Variants in SMC2 observed in about 807,000 individuals in gnomAD.
SMC2 encodes the protein structural maintenance of chromosomes protein 2.
In SMC2, 41 loss-of-function variants were observed where a neutral mutation model predicts 142.6. The ratio of observed to expected loss-of-function variants is 0.29; its 90% CI spans 0.22 to 0.37. The LOEUF is 0.37. Ranked by LOEUF, SMC2 falls within the 10% of genes least tolerant of loss-of-function variation. The pLI is 1.00. For synonymous variants in SMC2, 463 were observed against 457.5 expected, an observed-to-expected ratio of 1.01 and a Z score of -0.15; for missense variants, 1,265 against 1,373.7, an observed-to-expected ratio of 0.92 and a Z score of 1.25.
At chr9:104,114,247 T>G (rs1832832053) in intron 12 of SMC2, among the ~76,000 whole-genome samples, 166 bp downstream of exon 12, 1 of 152,200 alleles carries the variant, frequency 6.6e-6, no homozygotes, top group African/African-American at 2.4e-5. Flanking sequence ...GTTGAAATGT[T>G]TTAAATGTTG....
chr9:104,089,003 A>G, the SMC2 span, among the ~76,000 whole-genome samples: 1 of 152,038 alleles, frequency 6.6e-6, no homozygotes, highest in Non-Finnish European at 1.5e-5. Context: ...AAGACATGGT[A>G]ATCTAAGGAA....
At position 104,132,067 on chromosome 9, in the gene SMC2, C is replaced by G. The variant is rs765162261; in HGVS notation, c.3050C>G (p.Thr1017Arg). The change falls in exon 22 of 25, where the codon ACA (threonine) becomes AGA (arginine). Residue 1017 changes from threonine to arginine, a missense_variant. Physicochemically the swap from Thr to Arg is moderately conservative, Grantham distance 71 (BLOSUM62 -1). Transcript: ENST00000374793. The part of the protein sequence containing the change: ...IVENDKSKIL[T>R]TIEDLDQKKN... ...GAAAATGACAAATCCAAAATTCTTA[C>G]AACTATAGAAGACCTTGACCAGAAG... The G allele has an allele frequency of 6.2e-7, 1 of 1,602,800 alleles. No individual in the cohort carries two copies. Among genetic ancestry groups the G allele is most frequent in the Non-Finnish European group, 8.5e-7 (1 of 1,174,270 alleles).
chr9:104,134,430 G>A lies in SMC2; in HGVS notation c.3124G>A (p.Gly1042Arg). 6.3e-7 allele frequency: 1 copy of A among 1,588,120 alleles called. No individual in the cohort carries two copies. Among genetic ancestry groups the A allele is most frequent in the Non-Finnish European group, 8.5e-7 (1 of 1,171,028 alleles). The change falls in exon 23 of 25, where the codon GGG (glycine) becomes AGG (arginine). Residue 1042 changes from glycine (G) to arginine (R), a missense_variant. Transcript: ENST00000374793. ...TTAAATCCAGGTGAACAAGGACTTT[G>A]GGTCTATTTTTTCTACTCTTTTGCC... ...IAWQKVNKDF[G>R]SIFSTLLPGA...
chr9:104,110,314 G>T (rs897279933), intron 9 of SMC2, among the ~76,000 whole-genome samples: 3 of 152,106 alleles, frequency 2.0e-5, no homozygotes, highest in Admixed American at 6.6e-5. Flanking sequence ...CCAGACAGAT[G>T]ATTTATCTTG....
chr9:104,117,187 C>G (rs980732160), intron 14 of SMC2, among the ~76,000 whole-genome samples: 2 of 152,124 alleles, frequency 1.3e-5, no homozygotes, highest in Non-Finnish European at 2.9e-5. Flanking sequence ...TGAAAACTCA[C>G]CATTAAGTCA....
At position 104,124,982 on chromosome 9, in the gene SMC2, G is replaced by A. The variant is rs1834105258; in HGVS notation, c.2328G>A (p.Leu776=). ...AAGCAGAAGAAAAATATGAAGTATT[G>A]GAAAATAAAATGAAAAATGCAGAAG... ...QRKAEEKYEV[L]ENKMKNAEAE... The change falls in exon 18 of 25, where the codon TTG becomes TTA. Residue 776 remains leucine (L), a synonymous_variant. Coordinates refer to ENST00000374793, the MANE Select transcript of SMC2 (RefSeq NM_006444.3). The A allele has an allele frequency of 1.9e-6, 3 of 1,603,056 alleles. No individual in the cohort carries two copies. The highest frequency in any genetic ancestry group is 2.5e-6 in the Non-Finnish European group (3 of 1,177,220).
rs41277747 is a variant in SMC2, at chr9:104,139,604, T to G, written c.*289T>G. 86 of 221,402 alleles carry G rather than the reference T, an allele frequency of 3.9e-4. No homozygotes were observed. Among genetic ancestry groups the G allele is most frequent in the Non-Finnish European group, 5.5e-4 (63 of 114,644 alleles). The allele number at this position is 221,402 out of a possible 1,614,324, so 13.7% of individuals were successfully genotyped here. On this transcript the variant is annotated 3_prime_UTR_variant, in exon 25 of 25. Transcript: ENST00000374793. Reference sequence around the variant, plus strand: ...GGATCCTGAGATACCCGATTCTATATGTAAAAGCTAATATACAAAAAAGCA... The same window carrying G: ...GGATCCTGAGATACCCGATTCTATAGGTAAAAGCTAATATACAAAAAAGCA...
Position 104,102,556 on chromosome 9 carries a change from GA to G in SMC2, c.1010del (p.Asn337IlefsTer9). On this transcript the variant is annotated frameshift_variant, in exon 9 of 25. Transcript: ENST00000374793. LOFTEE classifies it high-confidence loss of function. ...ACEESKRKEL[E>X]KNMVEDSKTL... ...TGAGGAAAGCAAACGCAAAGAGCTG[GA>G]AAAAAATATGGTTGAGGTAAGTGAG... 2 of 1,612,194 alleles carry G rather than the reference GA, an allele frequency of 1.2e-6. No individual in the cohort carries two copies. The highest frequency in any genetic ancestry group is 1.7e-6 in the Non-Finnish European group (2 of 1,179,218).
intron 13 of SMC2, 81 bp downstream of exon 13, chr9:104,114,910 G>A: frequency 2.5e-6 from 3 of 1,194,330 alleles, no homozygotes; most frequent in Non-Finnish European, 3.5e-6. Flanking sequence ...TAAATACTTT[G>A]ATGTTTTAAG....
intron 21 of SMC2, among the ~76,000 whole-genome samples, chr9:104,131,676 TGCTAAGGA>T (rs1219616569): frequency 6.9e-6 from 1 of 145,684 alleles, no homozygotes; most frequent in African/African-American, 2.6e-5. Flanking sequence ...TTGCCTTGGC[TGCTAAGGA>T]GATAAGGGAA....
intron 20 of SMC2, among the ~76,000 whole-genome samples, chr9:104,128,572 A>G (rs893601769): frequency 2.6e-5 from 4 of 152,192 alleles, no homozygotes; most frequent in African/African-American, 9.7e-5. Context: ...ATGCTTTCAA[A>G]GAGTTTACAG....
chr9:104,095,915 A>G (rs1830403310), intron 2 of SMC2, among the ~76,000 whole-genome samples: 1 of 152,224 alleles, frequency 6.6e-6, no homozygotes, highest in African/African-American at 2.4e-5. Context: ...TTATTAAAAA[A>G]TGAATAGGAA....
chr9:104,136,936 T>A (rs1000429436), intron 23 of SMC2, among the ~76,000 whole-genome samples: 13 of 151,856 alleles, frequency 8.6e-5, no homozygotes, highest in African/African-American at 3.1e-4. Context: ...CTACTTGAGG[T>A]CACGAGTTCA....
chr9:104,120,518 A>G (rs1833616456), intron 16 of SMC2, among the ~76,000 whole-genome samples: 1 of 152,184 alleles, frequency 6.6e-6, no homozygotes, highest in Non-Finnish European at 1.5e-5. Context: ...TTGATTTGAC[A>G]TGAATATGAT....
intron 23 of SMC2, among the ~76,000 whole-genome samples, 194 bp downstream of exon 23, chr9:104,134,769 T>G (rs1365041295): frequency 6.6e-6 from 1 of 152,092 alleles, no homozygotes; most frequent in African/African-American, 2.4e-5. Flanking sequence ...AATAGAAAAT[T>G]AGACAAAACA....
chr9:104,123,479 C>A (rs1267647428), intron 17 of SMC2, among the ~76,000 whole-genome samples: 1 of 152,144 alleles, frequency 6.6e-6, no homozygotes, highest in Non-Finnish European at 1.5e-5. Context: ...TCTCCAAGTT[C>A]TTTTTTCTCC....
chr9:104,088,274 C>A, the SMC2 span, among the ~76,000 whole-genome samples: 1 of 151,808 alleles, frequency 6.6e-6, no homozygotes, highest in Non-Finnish European at 1.5e-5. Flanking sequence ...CTTTTTTAAA[C>A]TATTCTTTTC....
At chr9:104,117,808 C>G (rs1256107560) in intron 14 of SMC2, among the ~76,000 whole-genome samples, 1 of 152,118 alleles carries the variant, frequency 6.6e-6, no homozygotes, top group Non-Finnish European at 1.5e-5. Flanking sequence ...CACTTCTGTT[C>G]TAAGCATTTA....
At chr9:104,108,917 C>T (rs76408241) in intron 9 of SMC2, among the ~76,000 whole-genome samples, 68 of 152,210 alleles carry the variant, frequency 4.5e-4, no homozygotes, top group African/African-American at 1.4e-3. Flanking sequence ...GCACATGATC[C>T]CCTGGTTTAC....
Sources: allele counts gnomAD v4.1 joint callset (sites outside exome capture counted in the v4.1 genomes callset), GRCh38; gene constraint gnomAD v4.1.1; transcripts MANE v1.5; gene names NCBI Gene and HGNC (gene_info 2026-07-23, HGNC 2026-07-21).